The following ALDH1L2 variants were observed in gnomAD, a reference collection of about 807,000 sequenced individuals.
ALDH1L2 encodes the protein aldehyde dehydrogenase 1 family member L2.
A neutral mutation model predicts 111.0 loss-of-function variants in ALDH1L2; 91 were observed. The observed-to-expected ratio is 0.82, with a 90% confidence interval of 0.69 to 0.98. ALDH1L2 has a LOEUF of 0.98. Among genes scored for constraint, ALDH1L2 ranks in the 50% least tolerant of loss-of-function variants. The pLI is 0.00. For synonymous variants in ALDH1L2, 374 were observed against 392.6 expected, an observed-to-expected ratio of 0.95 and a Z score of 0.56; for missense variants, 995 against 1,126.8, an observed-to-expected ratio of 0.88 and a Z score of 1.67.
chr12:105,071,792 T>C (rs983988328), intron 2 of ALDH1L2, among the ~76,000 whole-genome samples: 6 of 149,804 alleles, frequency 4.0e-5, no homozygotes, highest in African/African-American at 4.9e-5. Flanking sequence ...GAGTAGTATA[T>C]ATTTAAAAAA....
intron 22 of ALDH1L2, 140 bp from the exon 23 acceptor site, chr12:105,024,619 T>C: frequency 1.3e-6 from 1 of 789,774 alleles, no homozygotes. Context: ...TCTCACACTT[T>C]GAAGTTCATA....
chr12:105,052,283 T>C (rs1283467054), intron 11 of ALDH1L2, 66 bp from the exon 12 acceptor site: 3 of 1,424,938 alleles, frequency 2.1e-6, no homozygotes, highest in Non-Finnish European at 2.8e-6. Context: ...GGAATTAATA[T>C]TGTATTAATA....
intron 6 of ALDH1L2, 148 bp from the exon 7 acceptor site, chr12:105,063,170 A>G: frequency 1.0e-6 from 1 of 991,830 alleles, no homozygotes; most frequent in Non-Finnish European, 1.4e-6. Flanking sequence ...AACTGTCTCA[A>G]ACATCCATAG....
rs371338241 is a variant in ALDH1L2, at chr12:105,063,684, G to C, written c.787-662C>G. Among the ~76,000 whole-genome samples, 6 of 152,138 alleles carry C rather than the reference G, an allele frequency of 3.9e-5. No homozygotes were observed. In the East Asian group the frequency reaches 5.8e-4, roughly 15 times the overall value. On this transcript the variant is annotated intron_variant, in intron 6 of 22. Transcript: ENST00000258494. ...GGTTTGGGTGGGTGGGGAGGTGTTG[G>C]GGGTGGGCGTCAATGATGGGCAATG...
At chr12:105,052,655 T>C (rs1387162757) in intron 11 of ALDH1L2, among the ~76,000 whole-genome samples, 157 bp downstream of exon 11, 1 of 152,210 alleles carries the variant, frequency 6.6e-6, no homozygotes, top group Non-Finnish European at 1.5e-5. Context: ...GTACCAGAAT[T>C]GAGTCATTGA....
intron 15 of ALDH1L2, among the ~76,000 whole-genome samples, 184 bp from the exon 16 acceptor site, chr12:105,040,878 C>G (rs1171106242): frequency 2.6e-5 from 4 of 152,186 alleles, no homozygotes; most frequent in African/African-American, 9.7e-5. Flanking sequence ...TCCTTATATA[C>G]ATTTCCATTC....
chr12:105,042,959 G>T (rs1875629083), intron 15 of ALDH1L2, among the ~76,000 whole-genome samples: 1 of 152,172 alleles, frequency 6.6e-6, no homozygotes, highest in Non-Finnish European at 1.5e-5. Flanking sequence ...TCTAAAAATG[G>T]GGTGTGCAAG....
At chr12:105,039,562 G>A in intron 17 of ALDH1L2, 151 bp downstream of exon 17, 1 of 587,614 alleles carries the variant, frequency 1.7e-6, no homozygotes, top group Non-Finnish European at 3.0e-6. Context: ...GTATTTTATT[G>A]TATTCAAATA....
chr12:105,057,575 CA>C (rs1486439156), intron 10 of ALDH1L2, among the ~76,000 whole-genome samples: 2 of 151,298 alleles, frequency 1.3e-5, no homozygotes, highest in African/African-American at 2.4e-5. Flanking sequence ...ATTACTTGGC[CA>C]AAAAAAGGGA....
chr12:105,026,867 TTTG>T lies in ALDH1L2; in HGVS notation c.2517-126_2517-124del, dbSNP rs549171660. The T allele has an allele frequency of 4.2e-3, 5,199 of 1,232,628 alleles. 23 individuals carry two copies. Among genetic ancestry groups the T allele is most frequent in the Non-Finnish European group, 5.2e-3 (4,568 of 883,608 alleles). 76.4% of individuals were successfully genotyped at this position (1,232,628 alleles called of 1,614,324 possible). ...CATTACTGCCATCTGCTTAAATGTT[TTTG>T]TTGTTGTTGTTTTTTAGAGGCCAGG... On this transcript the variant is annotated intron_variant, in intron 21 of 22. Transcript: ENST00000258494.
chr12:105,072,093 ATGTG>A (rs1877766011), intron 2 of ALDH1L2, among the ~76,000 whole-genome samples: 1 of 149,862 alleles, frequency 6.7e-6, no homozygotes, highest in South Asian at 2.1e-4. Flanking sequence ...CTCTAAAAAA[ATGTG>A]TTTAAGTGTA....
At chr12:105,047,390 A>G (rs541945883) in intron 13 of ALDH1L2, 68 of 192,612 alleles carry the variant, frequency 3.5e-4, no homozygotes, top group African/African-American at 1.6e-3. Context: ...TGCTACTTAA[A>G]CTAGGCTAAC....
intron 6 of ALDH1L2, among the ~76,000 whole-genome samples, chr12:105,064,434 G>A (rs867369030): frequency 4.6e-5 from 7 of 152,130 alleles, no homozygotes; most frequent in Admixed American, 2.6e-4. Flanking sequence ...TTCAGATCCT[G>A]CACTCTTAAC....
In ALDH1L2 at chr12:105,070,374, A is replaced by AAT. The variant is rs945016174; in HGVS notation, c.428+194_428+195dup. 1.7e-5 allele frequency: 10 copies of AAT among 581,352 alleles called. No individual in the cohort carries two copies. The African/African-American group carries it at 1.9e-4, about 11-fold the overall frequency. The allele number at this position is 581,352 out of a possible 1,614,324, so 36.0% of individuals were successfully genotyped here. On this transcript the variant is annotated intron_variant, in intron 3 of 22. Transcript: ENST00000258494. The stretch of plus-strand genomic sequence containing the variant: ...GATCACCTAGGTAAAAAACAGAAAG[A>AAT]ATATAGGCAATTGAAATACACTCAC...
chr12:105,051,762 G>A (rs1160041270), intron 12 of ALDH1L2, among the ~76,000 whole-genome samples: 2 of 151,154 alleles, frequency 1.3e-5, no homozygotes, highest in Non-Finnish European at 2.9e-5. Context: ...AAAGGTAGTA[G>A]ACTCACTTTG....
intron 19 of ALDH1L2, among the ~76,000 whole-genome samples, chr12:105,033,667 C>G (rs1300399431): frequency 6.6e-6 from 1 of 152,120 alleles, no homozygotes; most frequent in Non-Finnish European, 1.5e-5. Flanking sequence ...CATAATTCAT[C>G]TTAACACTCC....
chr12:105,034,995 A>G (rs1333441960), intron 18 of ALDH1L2, among the ~76,000 whole-genome samples: 11 of 152,072 alleles, frequency 7.2e-5, no homozygotes, highest in Non-Finnish European at 1.5e-5. Flanking sequence ...TAAATAAATA[A>G]ATAAATAAAA....
chr12:105,052,326 GT>G, intron 11 of ALDH1L2, 109 bp from the exon 12 acceptor site: 1 of 1,165,612 alleles, frequency 8.6e-7, no homozygotes, highest in Non-Finnish European at 1.1e-6. Flanking sequence ...TTTAAAAAAA[GT>G]TATGATAAGA....
rs1875266961 is a variant in ALDH1L2, at chr12:105,038,102, C to A, written c.2145+1G>T. The A allele has an allele frequency of 1.2e-6, 2 of 1,612,670 alleles. No homozygotes were observed. The highest frequency in any genetic ancestry group is 1.7e-6 in the Non-Finnish European group (2 of 1,179,038). On this transcript the variant is annotated splice_donor_variant, in intron 18 of 22. Transcript: ENST00000258494. LOFTEE classifies it high-confidence loss of function. ...TTTACTTAAATTTGACCCTCTCTTACCATTCGCACAGCCTTGTCAAGTTCA... is the reference window on the plus strand; with the variant it reads ...TTTACTTAAATTTGACCCTCTCTTAACATTCGCACAGCCTTGTCAAGTTCA...
Sources: allele counts gnomAD v4.1 joint callset (sites outside exome capture counted in the v4.1 genomes callset), GRCh38; gene constraint gnomAD v4.1.1; transcripts MANE v1.5; gene names NCBI Gene and HGNC (gene_info 2026-07-23, HGNC 2026-07-21).